NTN1: variants seen among roughly 807,000 people sequenced by gnomAD.
The protein encoded by NTN1 is netrin-1.
Under a neutral mutation model 54.2 loss-of-function variants are expected in NTN1, and 11 were observed. The ratio of observed to expected loss-of-function variants is 0.20; its 90% CI spans 0.13 to 0.34. NTN1 has a LOEUF of 0.34. NTN1 is among the 10% of genes least tolerant of loss of function. NTN1 has a pLI of 1.00. For missense variants in NTN1, 740 were observed against 893.1 expected, an observed-to-expected ratio of 0.83 and a Z score of 2.18; for synonymous variants, 371 against 382.0, an observed-to-expected ratio of 0.97 and a Z score of 0.33.
intron 2 of NTN1, among the ~76,000 whole-genome samples, chr17:9,122,893 T>C (rs2092235761): frequency 6.6e-6 from 1 of 152,214 alleles, no homozygotes; most frequent in African/African-American, 2.4e-5. Context: ...GGTTGCATAG[T>C]ATTTGTATTG....
chr17:9,234,377 G>A (rs550441924), intron 6 of NTN1, among the ~76,000 whole-genome samples: 18 of 152,354 alleles, frequency 1.2e-4, no homozygotes, highest in African/African-American at 3.8e-4. Flanking sequence ...CAGACGAGGG[G>A]TGGCCCATGG....
chr17:9,012,277 C>T, the NTN1 span, among the ~76,000 whole-genome samples: 1 of 151,942 alleles, frequency 6.6e-6, no homozygotes, highest in Non-Finnish European at 1.5e-5. Context: ...TTTGGGAGGC[C>T]GAGGTGGGTG....
In NTN1 at chr17:9,022,760, G is replaced by C. The variant is rs1285909584; in HGVS notation, c.387G>C (p.Pro129=). 17 of 1,609,364 alleles carry C rather than the reference G, an allele frequency of 1.1e-5. No individual in the cohort carries two copies. The highest frequency in any genetic ancestry group is 1.4e-5 in the Non-Finnish European group (17 of 1,178,558). ...CWQSENYLQF[P]HNVTLTLSLG... ...AGTCCGAGAACTACCTGCAGTTCCC[G>C]CACAACGTCACGCTCACACTGTCCC... Residue 129 remains proline, a synonymous_variant, in exon 2 of 7, where the codon CCG becomes CCC. Coordinates refer to ENST00000173229, the MANE Select transcript of NTN1 (RefSeq NM_004822.3).
the NTN1 span, among the ~76,000 whole-genome samples, chr17:9,012,692 A>G: frequency 3.3e-5 from 5 of 152,014 alleles, no homozygotes; most frequent in African/African-American, 9.7e-5. Flanking sequence ...TCCTTCCCCA[A>G]GTACCTGCTT....
chr17:9,183,864 G>A (rs1384557221), intron 5 of NTN1, among the ~76,000 whole-genome samples: 1 of 152,198 alleles, frequency 6.6e-6, no homozygotes, highest in Non-Finnish European at 1.5e-5. Context: ...AGTGTACCGA[G>A]CCCTGCCAGA....
intron 2 of NTN1, among the ~76,000 whole-genome samples, chr17:9,109,003 A>G (rs575198948): frequency 3.9e-5 from 6 of 151,996 alleles, no homozygotes; most frequent in Admixed American, 6.6e-5. Context: ...CAGCCTACCG[A>G]GTAGCTGGGA....
intron 2 of NTN1, among the ~76,000 whole-genome samples, chr17:9,113,257 C>T (rs955880779): frequency 6.6e-6 from 1 of 151,818 alleles, no homozygotes; most frequent in Non-Finnish European, 1.5e-5. Context: ...CTCCTGACCT[C>T]GTGATCCACC....
At chr17:9,063,135 T>C (rs2142208986) in intron 2 of NTN1, among the ~76,000 whole-genome samples, 1 of 152,148 alleles carries the variant, frequency 6.6e-6, no homozygotes, top group African/African-American at 2.4e-5. Context: ...TTGCTCTTGT[T>C]GCCTAGGCTG....
chr17:9,047,886 G>A (rs1052674012), intron 2 of NTN1, among the ~76,000 whole-genome samples: 3 of 151,868 alleles, frequency 2.0e-5, no homozygotes, highest in Admixed American at 6.6e-5. Flanking sequence ...AGTAGAGGAG[G>A]GGTTTCACTA....
chr17:9,022,233 G>GC (rs1356986125), intron 1 of NTN1, 78 bp from the exon 2 acceptor site: 1 of 953,172 alleles, frequency 1.0e-6, no homozygotes, highest in Non-Finnish European at 1.4e-6. Context: ...GCGTTCTCCC[G>GC]CATCTCCGCT....
intron 3 of NTN1, chr17:9,175,050 A>C (rs1174931859): frequency 6.6e-6 from 1 of 152,310 alleles, no homozygotes; most frequent in Non-Finnish European, 1.5e-5. Context: ...AGTCCTCAGG[A>C]AAAGTAGCCA....
At chr17:9,197,972 A>C (rs1024456405) in intron 5 of NTN1, among the ~76,000 whole-genome samples, 1 of 152,174 alleles carries the variant, frequency 6.6e-6, no homozygotes, top group Non-Finnish European at 1.5e-5. Context: ...ATTGTCCTGG[A>C]CTTACCCTTC....
chr17:9,087,701 G>T (rs2092094260), intron 2 of NTN1, among the ~76,000 whole-genome samples: 1 of 152,238 alleles, frequency 6.6e-6, no homozygotes, highest in Non-Finnish European at 1.5e-5. Flanking sequence ...ATCAAGCTGA[G>T]AGTTCTCAGC....
intron 2 of NTN1, among the ~76,000 whole-genome samples, chr17:9,087,217 G>A (rs562519761): frequency 3.3e-5 from 5 of 152,278 alleles, no homozygotes; most frequent in Admixed American, 2.0e-4. Flanking sequence ...TGAGTGGGAG[G>A]TGGCTAGGTG....
chr17:9,033,917 C>CAAAAAAAAAAAAAAAAA (rs58699789), intron 2 of NTN1, among the ~76,000 whole-genome samples: 1 of 106,466 alleles, frequency 9.4e-6, no homozygotes, highest in Non-Finnish European at 1.9e-5. Context: ...AACTCTGTCT[C>CAAAAAAAAAAAAAAAAA]AAAAAAAAAA....
chr17:9,231,297 G>GT (rs111548967), intron 6 of NTN1, among the ~76,000 whole-genome samples: 3 of 149,286 alleles, frequency 2.0e-5, no homozygotes, highest in Non-Finnish European at 4.4e-5. Context: ...GGGGTACCCG[G>GT]GGGGGGACCC....
intron 2 of NTN1, among the ~76,000 whole-genome samples, chr17:9,049,840 A>T (rs912663821): frequency 1.3e-5 from 2 of 152,242 alleles, no homozygotes; most frequent in African/African-American, 4.8e-5. Context: ...TGATCATTGT[A>T]GGATGGGTAT....
At chr17:9,224,501 G>A (rs1314205479) in intron 6 of NTN1, among the ~76,000 whole-genome samples, 1 of 152,234 alleles carries the variant, frequency 6.6e-6, no homozygotes, top group Non-Finnish European at 1.5e-5. Flanking sequence ...AGCAGGGACA[G>A]CGGGCTTCAG....
chr17:9,161,784 CAACA>C lies in NTN1; in HGVS notation c.1019-1018_1019-1015del, dbSNP rs1212569842. ...CAGAGAAAGACTCCCGTCTCAAAAA[CAACA>C]AACAAACAAAAAGAAATTGTGCTTC... On this transcript the variant is annotated intron_variant, in intron 2 of 6. Coordinates refer to ENST00000173229, the MANE Select transcript of NTN1 (RefSeq NM_004822.3). Among the ~76,000 whole-genome samples the C allele has an allele frequency of 2.0e-4, 30 of 152,260 alleles. 1 individual carries two copies. The South Asian group carries it at 5.2e-3, about 26-fold the overall frequency.
Sources: gnomAD v4.1 joint callset for allele counts (sites outside exome capture counted in the v4.1 genomes callset) on GRCh38, gnomAD v4.1.1 for gene constraint, MANE v1.5 for transcripts, NCBI Gene and HGNC (gene_info 2026-07-23, HGNC 2026-07-21) for gene names.